POLK: variants seen among roughly 807,000 people sequenced by gnomAD.
POLK encodes DNA polymerase kappa.
Under a neutral mutation model 94.0 loss-of-function variants are expected in POLK, and 76 were observed. The observed-to-expected ratio is 0.81, with a 90% CI of 0.67 to 0.98. The LOEUF (loss-of-function observed/expected upper bound fraction) is 0.98, where lower values mean the gene tolerates loss of function less well. POLK is among the 50% of genes least tolerant of loss of function. POLK has a pLI of 0.00. For synonymous variants in POLK, 349 were observed against 325.4 expected (o/e 1.07, Z -0.78); for missense variants, 954 against 1,010.1 (o/e 0.94, Z 0.75).
chr5:75,607,445 G>T, the POLK span, among the ~76,000 whole-genome samples: 2 of 150,290 alleles, frequency 1.3e-5, no homozygotes, highest in Admixed American at 1.3e-4. Context: ...TCCAACCTGG[G>T]TGACAAAGCG....
Position 75,531,576 on chromosome 5 carries a change from C to T in POLK, c.-13-15434C>T, listed in dbSNP as rs149872627. 2.1e-3 allele frequency among the ~76,000 whole-genome samples: 312 copies of T among 151,744 alleles called. 2 individuals carry two copies. The highest frequency in any genetic ancestry group is 6.6e-3 in the African/African-American group (270 of 41,212). On this transcript the variant is annotated intron_variant, in intron 1 of 14. Coordinates refer to ENST00000241436, the Ensembl canonical transcript of POLK. ...TTGGGAGTCCAAGGCAGGTGGATCA[C>T]GAGGTCAGGAGTTCAAGACCAGCCT...
At chr5:75,582,816 T>C (rs1772264101) in intron 7 of POLK, 1 of 153,214 alleles carries the variant, frequency 6.5e-6, no homozygotes, top group Non-Finnish European at 1.4e-5. Flanking sequence ...AGGCATGGTG[T>C]TGCGTGCCTC....
At chr5:75,552,519 C>T (rs950323314) in exon 3 of POLK, 1 of 1,612,578 alleles carries the variant, frequency 6.2e-7, no homozygotes, top group African/African-American at 1.3e-5. Flanking sequence ...AGCAAGTCAA[C>T]CAACGAATTG....
intron 1 of POLK, among the ~76,000 whole-genome samples, chr5:75,536,922 T>C (rs1769473383): frequency 6.6e-6 from 1 of 152,082 alleles, no homozygotes; most frequent in Admixed American, 6.5e-5. Flanking sequence ...CCAGCATTTC[T>C]TGGGATGACA....
At chr5:75,532,604 G>C (rs1169110271) in intron 1 of POLK, among the ~76,000 whole-genome samples, 4 of 152,272 alleles carry the variant, frequency 2.6e-5, no homozygotes, top group Non-Finnish European at 5.9e-5. Flanking sequence ...TATATACCTA[G>C]TAATGGCATT....
chr5:75,605,626 T>C (rs907828598), downstream of POLK, among the ~76,000 whole-genome samples: 1 of 152,206 alleles, frequency 6.6e-6, no homozygotes, highest in Non-Finnish European at 1.5e-5. Context: ...CATTCTACTT[T>C]TCTGCCATAT....
chr5:75,561,894 GT>G (rs1456205388), intron 3 of POLK, among the ~76,000 whole-genome samples: 2 of 152,190 alleles, frequency 1.3e-5, no homozygotes, highest in African/African-American at 4.8e-5. Context: ...GTACCATGCT[GT>G]TTTGGCTACT....
At chr5:75,573,594 C>A in intron 4 of POLK, 144 bp from the exon 5 acceptor site, 1 of 658,316 alleles carries the variant, frequency 1.5e-6, no homozygotes, top group South Asian at 2.0e-5. Flanking sequence ...TGGAAAACAA[C>A]AAAAACAAAA....
At chr5:75,596,839 A>G (rs1256304589) in exon 13 of POLK, 4 of 1,612,194 alleles carry the variant, frequency 2.5e-6, no homozygotes, top group Admixed American at 3.3e-5. Context: ...AGCAGAAAGC[A>G]TAGATGCTTT....
intron 1 of POLK, among the ~76,000 whole-genome samples, chr5:75,540,777 A>C (rs1769698449): frequency 6.6e-6 from 1 of 152,130 alleles, no homozygotes; most frequent in Non-Finnish European, 1.5e-5. Flanking sequence ...TTTTATATAG[A>C]TAGGTATTTT....
chr5:75,524,210 T>G (rs528206010), intron 1 of POLK, among the ~76,000 whole-genome samples: 61 of 152,170 alleles, frequency 4.0e-4, no homozygotes, highest in Non-Finnish European at 2.6e-4. Context: ...GATGTGCTCA[T>G]AGAGAATATG....
chr5:75,575,558 G>A (rs1771829574), intron 5 of POLK, among the ~76,000 whole-genome samples: 2 of 152,126 alleles, frequency 1.3e-5, no homozygotes, highest in South Asian at 4.1e-4. Flanking sequence ...AATTCTTACA[G>A]CAATATCCTA....
intron 3 of POLK, among the ~76,000 whole-genome samples, chr5:75,554,486 C>T (rs922171866): frequency 6.6e-6 from 1 of 151,286 alleles, no homozygotes; most frequent in Admixed American, 6.6e-5. Context: ...ATATATCTTC[C>T]TTTCCCTTCA....
At chr5:75,563,633 T>C (rs1771109970) in intron 3 of POLK, among the ~76,000 whole-genome samples, 1 of 152,232 alleles carries the variant, frequency 6.6e-6, no homozygotes, top group African/African-American at 2.4e-5. Context: ...AACTTACTTA[T>C]TTCTGCCTTA....
upstream of POLK, chr5:75,511,716 A>G: frequency 1.3e-6 from 2 of 1,544,476 alleles, no homozygotes; most frequent in Non-Finnish European, 1.8e-6. Context: ...CCGGCGTCTG[A>G]CGCGACACGC....
intron 1 of POLK, among the ~76,000 whole-genome samples, chr5:75,536,454 A>G (rs1769448585): frequency 6.6e-6 from 1 of 152,204 alleles, no homozygotes; most frequent in Non-Finnish European, 1.5e-5. Context: ...TCTGGCTACA[A>G]GAGGCAGGGT....
chr5:75,564,295 T>C (rs556520994), intron 3 of POLK, among the ~76,000 whole-genome samples: 1 of 152,272 alleles, frequency 6.6e-6, no homozygotes, highest in South Asian at 2.1e-4. Flanking sequence ...TCTTCCTCCA[T>C]GTCTTTATTT....
chr5:75,558,709 T>G (rs1161470590), intron 3 of POLK, among the ~76,000 whole-genome samples: 2 of 152,178 alleles, frequency 1.3e-5, no homozygotes, highest in African/African-American at 4.8e-5. Context: ...AGGCATCATT[T>G]TATCAAGGTT....
intron 1 of POLK, among the ~76,000 whole-genome samples, chr5:75,516,170 G>A (rs949813375): frequency 6.6e-6 from 1 of 152,126 alleles, no homozygotes; most frequent in Admixed American, 6.5e-5. Flanking sequence ...CCTGTTCTGT[G>A]GGTTGTCCCT....
Sources: gnomAD v4.1 joint callset for allele counts (sites outside exome capture counted in the v4.1 genomes callset) on GRCh38, gnomAD v4.1.1 for gene constraint, MANE v1.5 for transcripts, NCBI Gene and HGNC (gene_info 2026-07-23, HGNC 2026-07-21) for gene names.